Variants in ATP9B observed in about 807,000 individuals in gnomAD.
ATP9B encodes the protein probable phospholipid-transporting ATPase IIB.
Under a neutral mutation model 146.1 loss-of-function variants are expected in ATP9B, and 110 were observed. That is an observed-to-expected ratio of 0.75 (90% confidence interval 0.65 to 0.88). The LOEUF (loss-of-function observed/expected upper bound fraction) is 0.88, where lower values mean the gene tolerates loss of function less well. Ranked by LOEUF, ATP9B falls within the 40% of genes least tolerant of loss-of-function variation. The pLI is 0.00. For missense variants in ATP9B, 1,499 were observed against 1,496.4 expected, an observed-to-expected ratio of 1.00 and a Z score of -0.03; for synonymous variants, 604 against 569.7, an observed-to-expected ratio of 1.06 and a Z score of -0.86.
intron 1 of ATP9B, chr18:79,077,891 A>G (rs566581430): frequency 1.3e-5 from 2 of 152,316 alleles, no homozygotes; most frequent in South Asian, 4.1e-4. Context: ...AGCATATCTG[A>G]GTATCTTTCT....
chr18:79,078,031 C>T (rs1215729369), intron 1 of ATP9B: 1 of 152,236 alleles, frequency 6.6e-6, no homozygotes, highest in Non-Finnish European at 1.5e-5. Context: ...GACTGCCAGG[C>T]TTGGATGGAT....
Position 79,307,231 on chromosome 18 carries a change from T to C in ATP9B, c.1770T>C (p.Asp590=), listed in dbSNP as rs763492816. ...GCACCTACCAGGCTTCCAGCCCGGATGAGGTCAGTCAAAGCACAAAACCGT... is the reference window on the plus strand; with the variant it reads ...GCACCTACCAGGCTTCCAGCCCGGACGAGGTCAGTCAAAGCACAAAACCGT... The part of the protein sequence containing the change: ...ENRTYQASSP[D]EVALVQWTES... The change falls in exon 15 of 30, where the codon GAT becomes GAC. Residue 590 remains aspartate (D), a synonymous_variant. Coordinates refer to ENST00000426216, the MANE Select transcript of ATP9B (RefSeq NM_198531.5). 3 of 1,614,068 alleles carry C rather than the reference T, an allele frequency of 1.9e-6. No individual in the cohort carries two copies. The highest frequency in any genetic ancestry group is 2.7e-5 in the African/African-American group (2 of 75,062).
rs897827675 is a variant in ATP9B, at chr18:79,253,467, A to C, written c.1194A>C (p.Leu398Phe). The change falls in exon 12 of 30, where the codon TTA becomes TTC. Residue 398 changes from leucine (L) to phenylalanine (F), a missense_variant. By Grantham distance (22) the Leu-to-Phe change is conservative (BLOSUM62 0). Transcript: ENST00000426216. ...CTCTTTCCATTGTTATGGTAACCTT[A>C]CAAGGATTTGTGGGTCCATGGTACC... The part of the protein sequence containing the change: ...LVALSIVMVT[L>F]QGFVGPWYRN... 2 of 1,613,680 alleles carry C rather than the reference A, an allele frequency of 1.2e-6. No homozygotes were observed. The highest frequency in any genetic ancestry group is 1.7e-6 in the Non-Finnish European group (2 of 1,179,880).
intron 11 of ATP9B, among the ~76,000 whole-genome samples, chr18:79,236,435 A>G (rs926353379): frequency 2.7e-5 from 4 of 150,942 alleles, no homozygotes; most frequent in African/African-American, 9.7e-5. Flanking sequence ...TAGTGTTTTG[A>G]TGAGTAGCAA....
Position 79,334,681 on chromosome 18 carries a change from GC to G in ATP9B, c.2029-1943del, listed in dbSNP as rs1206572406. ...TCTTGTCTGCATCCCCCAGACGTTGGCCCCTTGGGCAGGACCGTGTGTGCTC... is the reference window on the plus strand; with the variant it reads ...TCTTGTCTGCATCCCCCAGACGTTGGCCCTTGGGCAGGACCGTGTGTGCTC... On this transcript the variant is annotated intron_variant, in intron 17 of 29. Coordinates refer to ENST00000426216, the MANE Select transcript of ATP9B (RefSeq NM_198531.5). 1.1e-4 allele frequency among the ~76,000 whole-genome samples: 16 copies of G among 152,248 alleles called. 1 individual carries two copies. In the South Asian group the frequency reaches 3.3e-3, roughly 32 times the overall value.
At chr18:79,083,535 G>A (rs996825258) in intron 1 of ATP9B, among the ~76,000 whole-genome samples, 1 of 152,182 alleles carries the variant, frequency 6.6e-6, no homozygotes, top group East Asian at 1.9e-4. Context: ...CCCTGGTGGT[G>A]TAGGCATCGA....
intron 7 of ATP9B, among the ~76,000 whole-genome samples, chr18:79,167,711 T>C (rs1159279497): frequency 2.0e-5 from 3 of 152,136 alleles, no homozygotes; most frequent in Non-Finnish European, 4.4e-5. Flanking sequence ...AAAAGCACTA[T>C]CCGATTGGCT....
chr18:79,074,382 A>C (rs911129517), intron 1 of ATP9B, among the ~76,000 whole-genome samples: 10 of 152,176 alleles, frequency 6.6e-5, no homozygotes, highest in African/African-American at 2.4e-4. Context: ...CCATGGTAAA[A>C]GGGTTCCTGT....
At chr18:79,292,085 C>T (rs140530501) in intron 13 of ATP9B, among the ~76,000 whole-genome samples, 23 of 152,334 alleles carry the variant, frequency 1.5e-4, no homozygotes, top group African/African-American at 5.3e-4. Flanking sequence ...CTGTTTATTG[C>T]CAAATAATAT....
chr18:79,195,815 A>T (rs7240805), intron 9 of ATP9B, among the ~76,000 whole-genome samples: 3 of 151,568 alleles, frequency 2.0e-5, no homozygotes, highest in Non-Finnish European at 4.4e-5. Context: ...GAAACGAGAT[A>T]ATCAAAGAGG....
intron 11 of ATP9B, among the ~76,000 whole-genome samples, chr18:79,236,553 T>C (rs534578707): frequency 3.6e-4 from 55 of 152,392 alleles, no homozygotes; most frequent in Admixed American, 1.4e-3. Context: ...TGAAGTTTTA[T>C]TGTTTCCTTT....
In ATP9B at chr18:79,377,644, G is replaced by A. The variant is rs2097109411; in HGVS notation, c.*261G>A. 1 of 506,532 alleles carries A rather than the reference G, an allele frequency of 2.0e-6. No individual in the cohort carries two copies. The highest frequency in any genetic ancestry group is 3.6e-6 in the Non-Finnish European group (1 of 280,314). 31.4% of individuals were successfully genotyped at this position (506,532 alleles called of 1,614,324 possible). A position where few individuals can be genotyped will look rare whatever the true frequency, so the allele number is the denominator to read the frequency against. On this transcript the variant is annotated 3_prime_UTR_variant, in exon 30 of 30. Transcript: ENST00000426216. ...TCAGTGCGAGGCTTCACCCCTGCCA[G>A]GCAAGCCCAGGGCATAGATGCTGAG...
rs548072607 is a variant in ATP9B, at chr18:79,298,376, G to A, written c.1412-5228G>A. 2.7e-5 allele frequency among the ~76,000 whole-genome samples: 4 copies of A among 146,166 alleles called. No individual in the cohort carries two copies. The South Asian group carries it at 8.7e-4, about 32-fold the overall frequency. On this transcript the variant is annotated intron_variant, in intron 13 of 29. Coordinates refer to ENST00000426216, the MANE Select transcript of ATP9B (RefSeq NM_198531.5). ...TGCCGTTTATAATTCCTTGAAAAAA[G>A]CGCGGTACTTAGCCGTGAATCTAAT...
rs1248549724 is a variant in ATP9B, at chr18:79,239,925, C to T, written c.1108-13456C>T. On this transcript the variant is annotated intron_variant, in intron 11 of 29. Coordinates refer to ENST00000426216, the MANE Select transcript of ATP9B (RefSeq NM_198531.5). The surrounding 1 kb of genome is among the most constrained non-coding windows in gnomAD (Gnocchi z 5.1). ...TGAGCGGAGAGGCTTGCTCTGCCTGCGTCCCCATCAGCGGTGACCAGCAGA... is the reference window on the plus strand; with the variant it reads ...TGAGCGGAGAGGCTTGCTCTGCCTGTGTCCCCATCAGCGGTGACCAGCAGA... Among the ~76,000 whole-genome samples, 1 of 152,200 alleles carries T rather than the reference C, an allele frequency of 6.6e-6. No individual in the cohort carries two copies. Among genetic ancestry groups the T allele is most frequent in the East Asian group, 1.9e-4 (1 of 5,180 alleles).
chr18:79,190,895 G>T (rs8099085), intron 8 of ATP9B, among the ~76,000 whole-genome samples: 85,144 of 151,204 alleles, frequency 0.56, 25,495 homozygotes, highest in African/African-American at 0.79. Context: ...GGATTTGGGG[G>T]TTTTTTTTAA....
intron 15 of ATP9B, among the ~76,000 whole-genome samples, chr18:79,309,587 C>T (rs1371512267): frequency 4.6e-4 from 61 of 131,424 alleles, no homozygotes; most frequent in African/African-American, 1.7e-3. Context: ...AGGAGTGATC[C>T]CCAGCAGGTA....
chr18:79,080,128 T>C (rs1313443902), intron 1 of ATP9B, among the ~76,000 whole-genome samples: 1 of 152,242 alleles, frequency 6.6e-6, no homozygotes, highest in Non-Finnish European at 1.5e-5. Flanking sequence ...ATGTGGGCTC[T>C]TTTTTGGTTC....
intron 14 of ATP9B, among the ~76,000 whole-genome samples, chr18:79,304,706 T>C (rs965530704): frequency 6.6e-6 from 1 of 152,192 alleles, no homozygotes; most frequent in Non-Finnish European, 1.5e-5. Context: ...GCCACCACAC[T>C]GAGCACAGCC....
intron 1 of ATP9B, chr18:79,086,270 T>A (rs1354842601): frequency 6.6e-6 from 1 of 151,828 alleles, no homozygotes; most frequent in Non-Finnish European, 1.5e-5. Context: ...TGAAACCCTG[T>A]ACTAAAAGTG....
Sources: gnomAD v4.1 joint callset for allele counts (sites outside exome capture counted in the v4.1 genomes callset) on GRCh38, gnomAD v4.1.1 for gene constraint, Gnocchi (gnomAD v3.1) non-coding constraint, MANE v1.5 for transcripts, NCBI Gene and HGNC (gene_info 2026-07-23, HGNC 2026-07-21) for gene names.